MIPOL1: variants seen among roughly 807,000 people sequenced by gnomAD.
MIPOL1 encodes mirror-image polydactyly 1.
In MIPOL1, 57 loss-of-function variants were observed where a neutral mutation model predicts 60.9. That is an observed-to-expected ratio of 0.94 (90% CI 0.76 to 1.17). MIPOL1 has a LOEUF of 1.17. Ranked by LOEUF, MIPOL1 falls within the 50% of genes most tolerant of loss-of-function variation. MIPOL1 has a pLI of 0.00. For synonymous variants in MIPOL1, 179 were observed against 168.8 expected, an observed-to-expected ratio of 1.06 and a Z score of -0.47; for missense variants, 551 against 511.6, an observed-to-expected ratio of 1.08 and a Z score of -0.74.
chr14:37,231,922 A>G (rs941635227), intron 1 of MIPOL1, among the ~76,000 whole-genome samples: 1 of 151,778 alleles, frequency 6.6e-6, no homozygotes, highest in Admixed American at 6.6e-5. Flanking sequence ...TCTACAAAAA[A>G]TTTTACAAAA....
At chr14:37,364,723 T>C (rs1303434704) in intron 9 of MIPOL1, among the ~76,000 whole-genome samples, 1 of 152,206 alleles carries the variant, frequency 6.6e-6, no homozygotes, top group Non-Finnish European at 1.5e-5. Flanking sequence ...TCTGGTTCCA[T>C]ATACATTTTG....
chr14:37,240,069 G>T (rs1972108462), intron 1 of MIPOL1, among the ~76,000 whole-genome samples: 1 of 152,128 alleles, frequency 6.6e-6, no homozygotes, highest in African/African-American at 2.4e-5. Context: ...GCCCAGGCTG[G>T]AGTGTAGTGT....
chr14:37,200,676 T>G (rs895931616), intron 1 of MIPOL1, among the ~76,000 whole-genome samples: 1 of 151,048 alleles, frequency 6.6e-6, no homozygotes, highest in Non-Finnish European at 1.5e-5. Context: ...TTTTTTTTTT[T>G]TTTTTTTTTT....
intron 1 of MIPOL1, among the ~76,000 whole-genome samples, chr14:37,216,077 AAAG>A (rs1169215530): frequency 0.035 from 5,194 of 149,636 alleles, 214 homozygotes; most frequent in African/African-American, 0.097. Context: ...AAAAAAAAAA[AAAG>A]AAAGAAAAGA....
At chr14:37,497,958 A>G (rs562099418) in intron 11 of MIPOL1, among the ~76,000 whole-genome samples, 1 of 152,338 alleles carries the variant, frequency 6.6e-6, no homozygotes, top group Non-Finnish European at 1.5e-5. Flanking sequence ...ATGAATACCT[A>G]GGTCCATCAA....
chr14:37,345,783 C>G (rs1196353296), intron 9 of MIPOL1, among the ~76,000 whole-genome samples: 1 of 152,156 alleles, frequency 6.6e-6, no homozygotes, highest in African/African-American at 2.4e-5. Context: ...TACACATAAA[C>G]ACTCGTATTT....
intron 1 of MIPOL1, chr14:37,227,626 G>A (rs1346803516): frequency 6.6e-6 from 1 of 152,196 alleles, no homozygotes; most frequent in African/African-American, 2.4e-5. Context: ...TCAGCATTGA[G>A]GGAAGTAGGC....
chr14:37,437,324 A>G (rs1038581349), intron 11 of MIPOL1, among the ~76,000 whole-genome samples: 1 of 152,112 alleles, frequency 6.6e-6, no homozygotes, highest in Non-Finnish European at 1.5e-5. Context: ...TTCAATGTTA[A>G]TCTGATAAAG....
chr14:37,414,759 C>T (rs923709404), intron 10 of MIPOL1, among the ~76,000 whole-genome samples: 8 of 151,958 alleles, frequency 5.3e-5, no homozygotes, highest in East Asian at 1.9e-4. Context: ...AGGCAGAAAC[C>T]GAATCCAAGT....
intron 11 of MIPOL1, among the ~76,000 whole-genome samples, chr14:37,481,342 G>A (rs1421555600): frequency 6.6e-6 from 1 of 151,974 alleles, no homozygotes; most frequent in Non-Finnish European, 1.5e-5. Flanking sequence ...CCTGCACAAT[G>A]AAAACTCTAA....
At chr14:37,380,949 T>G (rs796267301) in intron 10 of MIPOL1, among the ~76,000 whole-genome samples, 6 of 152,276 alleles carry the variant, frequency 3.9e-5, no homozygotes, top group African/African-American at 1.4e-4. Context: ...TTCCAACCTT[T>G]GTGTCACCTG....
intron 9 of MIPOL1, among the ~76,000 whole-genome samples, chr14:37,346,806 C>G (rs182688598): frequency 6.6e-5 from 10 of 152,174 alleles, no homozygotes; most frequent in African/African-American, 2.2e-4. Flanking sequence ...AAGAATACCT[C>G]TTCAGCGAAA....
chr14:37,361,107 C>T (rs923895666), intron 9 of MIPOL1, among the ~76,000 whole-genome samples: 14 of 152,034 alleles, frequency 9.2e-5, no homozygotes, highest in African/African-American at 3.4e-4. Context: ...AGTTGTTCAG[C>T]GTTTATGTAG....
intron 11 of MIPOL1, 35 bp from the exon 12 acceptor site, chr14:37,499,873 T>A (rs2095189830): frequency 8.4e-7 from 1 of 1,186,496 alleles, no homozygotes; most frequent in Non-Finnish European, 1.2e-6. Context: ...CAGTTTACAT[T>A]ACTTATCTTT....
At chr14:37,472,109 C>T (rs1357495725) in intron 11 of MIPOL1, among the ~76,000 whole-genome samples, 3 of 152,148 alleles carry the variant, frequency 2.0e-5, no homozygotes, top group Admixed American at 6.5e-5. Flanking sequence ...TGTACAAGCA[C>T]TGTGCATTTG....
chr14:37,491,350 GA>G (rs1438237791), intron 11 of MIPOL1, among the ~76,000 whole-genome samples: 1 of 152,120 alleles, frequency 6.6e-6, no homozygotes, highest in Non-Finnish European at 1.5e-5. Context: ...GCAACATGGC[GA>G]AACTCCGCCT....
At chr14:37,384,143 A>C (rs2093002305) in intron 10 of MIPOL1, among the ~76,000 whole-genome samples, 1 of 151,972 alleles carries the variant, frequency 6.6e-6, no homozygotes, top group Non-Finnish European at 1.5e-5. Flanking sequence ...ACTTAATTCT[A>C]AATGTCTTTA....
intron 10 of MIPOL1, among the ~76,000 whole-genome samples, chr14:37,421,695 T>C (rs1306303549): frequency 6.6e-6 from 1 of 152,078 alleles, no homozygotes; most frequent in Non-Finnish European, 1.5e-5. Context: ...ATCTTAATGC[T>C]AAAACTTACA....
At chr14:37,433,014 G>T (rs1241931335) in intron 11 of MIPOL1, among the ~76,000 whole-genome samples, 2 of 152,176 alleles carry the variant, frequency 1.3e-5, no homozygotes, top group Non-Finnish European at 2.9e-5. Context: ...AAATCTCAGA[G>T]CAAGCCATCG....
Sources: allele counts gnomAD v4.1 joint callset (sites outside exome capture counted in the v4.1 genomes callset), GRCh38; gene constraint gnomAD v4.1.1; transcripts MANE v1.5; gene names NCBI Gene and HGNC (gene_info 2026-07-23, HGNC 2026-07-21).